The following FRMPD4 variants were observed in gnomAD, a reference collection of about 807,000 sequenced individuals.
FRMPD4 encodes FERM and PDZ domain-containing protein 4.
In FRMPD4, 22 loss-of-function variants were observed where a neutral mutation model predicts 94.1. That is an observed-to-expected ratio of 0.23 (90% CI 0.17 to 0.33). FRMPD4 has a LOEUF of 0.33. Ranked by LOEUF, FRMPD4 falls within the 10% of genes least tolerant of loss-of-function variation. The pLI is 1.00. For missense variants in FRMPD4, 1,111 were observed against 1,339.9 expected, an observed-to-expected ratio of 0.83 and a Z score of 2.67; for synonymous variants, 631 against 548.6, an observed-to-expected ratio of 1.15 and a Z score of -2.10.
chrX:11,915,271 AT>A (rs2054018760), intron 3 of FRMPD4, among the ~76,000 whole-genome samples: 1 of 112,522 alleles, frequency 8.9e-6, no homozygotes, highest in African/African-American at 3.2e-5. Flanking sequence ...TAATAAAACA[AT>A]TTTGGGGGGA....
At chrX:11,878,883 A>G (rs1165781993) in intron 3 of FRMPD4, among the ~76,000 whole-genome samples, 1 of 112,212 alleles carries the variant, frequency 8.9e-6, no homozygotes, top group African/African-American at 3.2e-5. Flanking sequence ...CAATACAAAC[A>G]TTATGTGCAG....
chrX:12,204,545 A>G, intron 1 of FRMPD4, among the ~76,000 whole-genome samples: 1 of 109,766 alleles, frequency 9.1e-6, no homozygotes, highest in Non-Finnish European at 1.9e-5. Flanking sequence ...CCTTTTAACA[A>G]CTCTTTGGGT....
chrX:12,301,032 G>T (rs995491037), intron 1 of FRMPD4, among the ~76,000 whole-genome samples: 2 of 111,713 alleles, frequency 1.8e-5, no homozygotes, highest in South Asian at 7.6e-4. Context: ...CCACTCAGTT[G>T]CCCTGGGCTG....
At chrX:12,240,746 A>C (rs1408272044) in intron 1 of FRMPD4, among the ~76,000 whole-genome samples, 4 of 112,308 alleles carry the variant, frequency 3.6e-5, no homozygotes, top group African/African-American at 1.3e-4. Context: ...TGCCAGGCTC[A>C]TTTGTGTATT....
chrX:11,879,568 A>G (rs1018144999), intron 3 of FRMPD4, among the ~76,000 whole-genome samples: 1 of 111,460 alleles, frequency 9.0e-6, no homozygotes, highest in African/African-American at 3.3e-5. Context: ...AATTAGTGCT[A>G]TATATGTCTC....
At chrX:12,006,512 T>C (rs2054554915) in intron 3 of FRMPD4, among the ~76,000 whole-genome samples, 1 of 112,241 alleles carries the variant, frequency 8.9e-6, no homozygotes, top group Non-Finnish European at 1.9e-5. Flanking sequence ...CAATTTTTGC[T>C]CTTAATTAAA....
chrX:11,959,048 A>G (rs2054271040), intron 3 of FRMPD4, among the ~76,000 whole-genome samples: 1 of 112,764 alleles, frequency 8.9e-6, no homozygotes, highest in African/African-American at 3.2e-5. Context: ...CTGAAATCTT[A>G]AAAGAAAGTC....
intron 13 of FRMPD4, among the ~76,000 whole-genome samples, chrX:12,709,113 C>T (rs1039508125): frequency 2.7e-5 from 3 of 111,826 alleles, no homozygotes; most frequent in Non-Finnish European, 5.6e-5. Flanking sequence ...CGTGCCCGGC[C>T]GATGGCGTCC....
intron 1 of FRMPD4, among the ~76,000 whole-genome samples, chrX:12,413,796 G>A (rs1198153541): frequency 8.9e-6 from 1 of 112,531 alleles, no homozygotes; most frequent in African/African-American, 3.2e-5. Context: ...GACCTGGTGT[G>A]CCTACCAATT....
At chrX:12,454,054 A>T (rs1379987196) in intron 1 of FRMPD4, among the ~76,000 whole-genome samples, 2 of 112,302 alleles carry the variant, frequency 1.8e-5, no homozygotes, top group Non-Finnish European at 3.8e-5. Flanking sequence ...TTGTCCAGGG[A>T]AGTTTTTTAA....
chrX:12,669,458 A>C (rs1323381588), intron 4 of FRMPD4, among the ~76,000 whole-genome samples: 1 of 106,183 alleles, frequency 9.4e-6, no homozygotes, highest in Non-Finnish European at 2.0e-5. Flanking sequence ...GAACTGTGAG[A>C]TAATAAGTGG....
chrX:12,001,731 C>A (rs185593451), intron 3 of FRMPD4, among the ~76,000 whole-genome samples: 2 of 112,065 alleles, frequency 1.8e-5, no homozygotes, highest in East Asian at 5.6e-4. Flanking sequence ...GACTTGACCT[C>A]CAAAATTGAC....
At chrX:12,390,875 A>G (rs1459510306) in intron 1 of FRMPD4, among the ~76,000 whole-genome samples, 2 of 112,053 alleles carry the variant, frequency 1.8e-5, no homozygotes, top group Non-Finnish European at 3.8e-5. Context: ...TTAAAATGTA[A>G]TCAAGACAGT....
At chrX:12,445,292 G>A (rs1278792314) in intron 1 of FRMPD4, among the ~76,000 whole-genome samples, 1 of 112,449 alleles carries the variant, frequency 8.9e-6, no homozygotes, top group Non-Finnish European at 1.9e-5. Context: ...CCCTCCAGGT[G>A]ATTGTAATGT....
chrX:11,876,495 T>C (rs1259137764), intron 2 of FRMPD4, among the ~76,000 whole-genome samples: 2 of 111,361 alleles, frequency 1.8e-5, no homozygotes, highest in African/African-American at 6.5e-5. Flanking sequence ...CAACTAGGCA[T>C]AGTTTTCCAG....
At chrX:12,442,588 T>G (rs966746329) in intron 1 of FRMPD4, among the ~76,000 whole-genome samples, 1 of 111,972 alleles carries the variant, frequency 8.9e-6, no homozygotes, top group African/African-American at 3.2e-5. Context: ...CAAATGTTGA[T>G]GAGGGCATGG....
At chrX:12,712,475 G>T (rs189890043) in intron 14 of FRMPD4, among the ~76,000 whole-genome samples, 35 of 111,495 alleles carry the variant, frequency 3.1e-4, no homozygotes, top group African/African-American at 1.1e-3. Flanking sequence ...CTTGAGCCTA[G>T]GAGGTCAACG....
chrX:12,499,810 A>G (rs2057896982), intron 2 of FRMPD4, among the ~76,000 whole-genome samples: 1 of 111,238 alleles, frequency 9.0e-6, no homozygotes. Context: ...CCTTTTGTCT[A>G]TTGTTACTGG....
Position 12,717,816 on chromosome X carries a change from T to C in FRMPD4, c.2990T>C (p.Met997Thr). 1 of 1,211,317 alleles carries C rather than the reference T, an allele frequency of 8.3e-7. No homozygotes were observed. Among genetic ancestry groups the C allele is most frequent in the South Asian group, 1.8e-5 (1 of 57,010 alleles). The stretch of plus-strand genomic sequence containing the variant: ...TTACTTCACTCAGACCACATGGAGA[T>C]GGAGCCTGAAACTATGGAGACTAAG... ...KQLLHSDHME[M>T]EPETMETKSV... The change falls in exon 16 of 17, where the codon ATG (methionine) becomes ACG (threonine). Residue 997 changes from methionine (M) to threonine (T), a missense_variant. Physicochemically the swap from Met to Thr is moderately conservative, Grantham distance 81. Around this residue, in one of 8 missense-constraint regions of FRMPD4, gnomAD observed 551 missense variants for 591.6 expected, o/e 0.93. Coordinates refer to ENST00000675598, the MANE Select transcript of FRMPD4 (RefSeq NM_001368397.1).
Sources: allele counts gnomAD v4.1 joint callset (sites outside exome capture counted in the v4.1 genomes callset), GRCh38; gene constraint gnomAD v4.1.1; regional missense constraint gnomAD v4.1.1; transcripts MANE v1.5; gene names NCBI Gene and HGNC (gene_info 2026-07-23, HGNC 2026-07-21).